Variants in PIK3CD observed in about 807,000 individuals in gnomAD.
PIK3CD encodes phosphatidylinositol-4,5-bisphosphate 3-kinase catalytic subunit delta.
A neutral mutation model predicts 122.9 loss-of-function variants in PIK3CD; 20 were observed. The ratio of observed to expected loss-of-function variants is 0.16; its 90% confidence interval spans 0.11 to 0.24. The LOEUF is 0.24. Ranked by LOEUF, PIK3CD falls within the 10% of genes least tolerant of loss-of-function variation. PIK3CD has a pLI of 1.00. For synonymous variants in PIK3CD, 596 were observed against 593.4 expected, an observed-to-expected ratio of 1.00 and a Z score of -0.06; for missense variants, 787 against 1,406.3, an observed-to-expected ratio of 0.56 and a Z score of 7.04.
chr1:9,712,714 C>G (rs1049371548), intron 3 of PIK3CD, among the ~76,000 whole-genome samples: 2 of 152,048 alleles, frequency 1.3e-5, no homozygotes, highest in Non-Finnish European at 2.9e-5. Context: ...TTTTTCCTTC[C>G]ATTGGAAGAG....
intron 1 of PIK3CD, among the ~76,000 whole-genome samples, chr1:9,683,310 A>C (rs1645838563): frequency 6.6e-6 from 1 of 151,314 alleles, no homozygotes; most frequent in Non-Finnish European, 1.5e-5. Flanking sequence ...TGGTGGCGGG[A>C]ACCTGTAGTC....
At position 9,727,898 on chromosome 1, in the gene PIK3CD, A is replaced by C. The variant is rs1184275475; in HGVS notation, c.*852A>C. The C allele has an allele frequency of 5.8e-6, 1 of 171,194 alleles. No homozygotes were observed. The highest frequency in any genetic ancestry group is 1.3e-5 in the Non-Finnish European group (1 of 79,598). The allele number at this position is 171,194 out of a possible 1,614,324, so 10.6% of individuals were successfully genotyped here. ...TGGCTCACTGTAACCTCCGCCTCCC[A>C]GGTTCAAGTGATTCTTCTGCCTCAG... On this transcript the variant is annotated 3_prime_UTR_variant, in exon 24 of 24. Transcript: ENST00000377346.
chr1:9,677,117 C>A (rs1363817534), intron 1 of PIK3CD, among the ~76,000 whole-genome samples: 1 of 152,110 alleles, frequency 6.6e-6, no homozygotes, highest in Non-Finnish European at 1.5e-5. Flanking sequence ...AAGCTGACAG[C>A]CGGGTAGGGA....
At chr1:9,627,897 G>A in the PIK3CD span, among the ~76,000 whole-genome samples, 24 of 152,188 alleles carry the variant, frequency 1.6e-4, no homozygotes, top group African/African-American at 5.8e-4. Context: ...AACAGAGGCC[G>A]CGGGTGGCAG....
chr1:9,671,247 A>G (rs1276671785), intron 1 of PIK3CD, among the ~76,000 whole-genome samples: 1 of 152,062 alleles, frequency 6.6e-6, no homozygotes, highest in African/African-American at 2.4e-5. Flanking sequence ...GTACAGGTTC[A>G]TGCCATCACA....
At chr1:9,688,932 A>G (rs930072397) in intron 1 of PIK3CD, among the ~76,000 whole-genome samples, 4 of 152,148 alleles carry the variant, frequency 2.6e-5, no homozygotes, top group African/African-American at 4.8e-5. Flanking sequence ...GGATAGATGC[A>G]TTAGTGAAAG....
Position 9,724,153 on chromosome 1 carries a change from C to A in PIK3CD, c.2718+61C>A. ...TTGGCTTCTGGCCCCAGCCTGCTGGCCCCTCTGCCTAGCACACAGCTCTGT... is the reference window on the plus strand; with the variant it reads ...TTGGCTTCTGGCCCCAGCCTGCTGGACCCTCTGCCTAGCACACAGCTCTGT... On this transcript the variant is annotated intron_variant, in intron 21 of 23. Coordinates refer to ENST00000377346, the MANE Select transcript of PIK3CD (RefSeq NM_005026.5). This position sits in a 1 kb window ranked among gnomAD's most constrained non-coding sequence, Gnocchi z 7.3. 1 of 1,613,728 alleles carries A rather than the reference C, an allele frequency of 6.2e-7. No individual in the cohort carries two copies. The highest frequency in any genetic ancestry group is 1.1e-5 in the South Asian group (1 of 91,070).
At chr1:9,636,885 T>C in the PIK3CD span, among the ~76,000 whole-genome samples, 3 of 150,104 alleles carry the variant, frequency 2.0e-5, no homozygotes, top group East Asian at 2.0e-4. Context: ...TGGTTTCTTT[T>C]TTTTCTTTTC....
chr1:9,710,126 C>A lies in PIK3CD; in HGVS notation c.-32-298C>A. ...CCAGCTGGTGGCCATGACTGGCTTT[C>A]GTGGATGTGTATGTTCCTGAGGAAA... On this transcript the variant is annotated intron_variant, in intron 2 of 23. Coordinates refer to ENST00000377346, the MANE Select transcript of PIK3CD (RefSeq NM_005026.5). The surrounding 1 kb of genome is among the most constrained non-coding windows in gnomAD (Gnocchi z 4.7). The A allele has an allele frequency of 5.2e-6, 2 of 386,568 alleles. No homozygotes were observed. The highest frequency in any genetic ancestry group is 9.9e-6 in the Non-Finnish European group (2 of 201,544). 23.9% of individuals were successfully genotyped at this position (386,568 alleles called of 1,614,324 possible).
intron 1 of PIK3CD, among the ~76,000 whole-genome samples, chr1:9,680,480 CA>C (rs1645708452): frequency 6.6e-6 from 1 of 152,090 alleles, no homozygotes; most frequent in Admixed American, 6.6e-5. Context: ...TTCATCACTC[CA>C]AAAAGAGATT....
At chr1:9,629,169 G>A in the PIK3CD span, among the ~76,000 whole-genome samples, 1 of 152,118 alleles carries the variant, frequency 6.6e-6, no homozygotes, top group Admixed American at 6.5e-5. Flanking sequence ...GGAGGAAAGG[G>A]TGAGTCTGAA....
At chr1:9,638,777 AT>A in the PIK3CD span, among the ~76,000 whole-genome samples, 1,577 of 116,910 alleles carry the variant, frequency 0.013, 21 homozygotes, top group African/African-American at 0.043. Context: ...CTTTTGCAAG[AT>A]TTTTTTTTTT....
chr1:9,683,027 G>A (rs1043976649), intron 1 of PIK3CD, among the ~76,000 whole-genome samples: 13 of 150,756 alleles, frequency 8.6e-5, no homozygotes, highest in Admixed American at 8.6e-4. Flanking sequence ...ACTGGGATTG[G>A]GCCCTGGACC....
Position 9,722,409 on chromosome 1 carries a change from G to A in PIK3CD, c.2347+53G>A. ...CCTGTACTGCCCTGGGGGGTCCTGGGGTGCTCCTAGAGTGGGGGTGGAGAA... is the reference window on the plus strand; with the variant it reads ...CCTGTACTGCCCTGGGGGGTCCTGGAGTGCTCCTAGAGTGGGGGTGGAGAA... On this transcript the variant is annotated intron_variant, in intron 18 of 23. Coordinates refer to ENST00000377346, the MANE Select transcript of PIK3CD (RefSeq NM_005026.5). The surrounding 1 kb of genome is among the most constrained non-coding windows in gnomAD (Gnocchi z 7.6). 2 of 1,565,684 alleles carry A rather than the reference G, an allele frequency of 1.3e-6. No homozygotes were observed. Among genetic ancestry groups the A allele is most frequent in the Middle Eastern group, 1.7e-4 (1 of 5,984 alleles).
intron 1 of PIK3CD, among the ~76,000 whole-genome samples, chr1:9,687,135 G>T (rs1288278209): frequency 1.3e-5 from 2 of 152,156 alleles, no homozygotes; most frequent in African/African-American, 2.4e-5. Context: ...TGCTGATGGG[G>T]ACCTTGTGTT....
At chr1:9,672,879 T>C (rs1269839521) in intron 1 of PIK3CD, among the ~76,000 whole-genome samples, 3 of 152,176 alleles carry the variant, frequency 2.0e-5, no homozygotes, top group African/African-American at 7.2e-5. Flanking sequence ...GAGTCCTATA[T>C]ACCTCTCCAG....
rs568646612 is a variant in PIK3CD, at chr1:9,692,536, C to T, written c.-33+965C>T. On this transcript the variant is annotated intron_variant, in intron 2 of 23. Transcript: ENST00000377346. Reference sequence around the variant, plus strand: ...GGTCAGGAGTTCGAGACCAGCCTGGCCAACCAACATGGTGAAACCCTGTCT... The same window carrying T: ...GGTCAGGAGTTCGAGACCAGCCTGGTCAACCAACATGGTGAAACCCTGTCT... Among the ~76,000 whole-genome samples, 18 of 135,034 alleles carry T rather than the reference C, an allele frequency of 1.3e-4. 1 individual carries two copies. The South Asian group carries it at 1.7e-3, about 13-fold the overall frequency. The allele number at this position is 135,034 out of a possible 152,430, so 88.6% of individuals were successfully genotyped here.
rs1296106841 is a variant in PIK3CD, at chr1:9,689,973, C to T, written c.-137-1494C>T. 3.3e-5 allele frequency among the ~76,000 whole-genome samples: 5 copies of T among 152,160 alleles called. No individual in the cohort carries two copies. Among genetic ancestry groups the T allele is most frequent in the Admixed American group, 1.3e-4 (2 of 15,286 alleles). ...CTAATCTGGTTGCTTCCTTTTGTGCCCCCCGGGGGTCAGGAATCCCAGGTT... is the reference window on the plus strand; with the variant it reads ...CTAATCTGGTTGCTTCCTTTTGTGCTCCCCGGGGGTCAGGAATCCCAGGTT... On this transcript the variant is annotated intron_variant, in intron 1 of 23. Coordinates refer to ENST00000377346, the MANE Select transcript of PIK3CD (RefSeq NM_005026.5). The surrounding 1 kb of genome is among the most constrained non-coding windows in gnomAD (Gnocchi z 6.1).
chr1:9,642,181 T>G, the PIK3CD span, among the ~76,000 whole-genome samples: 1 of 151,888 alleles, frequency 6.6e-6, no homozygotes, highest in Non-Finnish European at 1.5e-5. Flanking sequence ...GGTGCGATCT[T>G]GGCTCACTGC....
Sources: gnomAD v4.1 joint callset for allele counts (sites outside exome capture counted in the v4.1 genomes callset) on GRCh38, gnomAD v4.1.1 for gene constraint, Gnocchi (gnomAD v3.1) non-coding constraint, MANE v1.5 for transcripts, NCBI Gene and HGNC (gene_info 2026-07-23, HGNC 2026-07-21) for gene names.